Variants in FBXL7 observed in about 807,000 individuals in gnomAD.
The protein encoded by FBXL7 is F-box and leucine rich repeat protein 7.
In FBXL7, 12 loss-of-function variants were observed where a neutral mutation model predicts 38.3. The observed-to-expected ratio is 0.31, with a 90% CI of 0.20 to 0.51. The LOEUF is 0.51. FBXL7 is among the 20% of genes least tolerant of loss of function. FBXL7 has a pLI of 0.98. For missense variants in FBXL7, 567 were observed against 676.4 expected, an observed-to-expected ratio of 0.84 and a Z score of 1.79; for synonymous variants, 297 against 300.9, an observed-to-expected ratio of 0.99 and a Z score of 0.13.
At chr5:15,917,649 GGAA>G (rs1561187519) in intron 2 of FBXL7, among the ~76,000 whole-genome samples, 1,293 of 127,900 alleles carry the variant, frequency 0.01, 33 homozygotes, top group African/African-American at 0.044. Flanking sequence ...AGGGAGGGAA[GGAA>G]GGAAGGAAGG....
At chr5:15,760,257 C>A (rs1736404911) in intron 2 of FBXL7, among the ~76,000 whole-genome samples, 1 of 152,034 alleles carries the variant, frequency 6.6e-6, no homozygotes, top group Admixed American at 6.6e-5. Context: ...CATAGCTGAT[C>A]ATTCTGCAGT....
rs1742888362 is a variant in FBXL7, at chr5:15,682,750, A to G, written c.127+66678A>G. ...TTGGTTAAGGGGAAAGCTGCTTACA[A>G]CTACATGTGTGTGCAGGCTGCATCT... On this transcript the variant is annotated intron_variant, in intron 2 of 3. Coordinates refer to ENST00000504595, the MANE Select transcript of FBXL7 (RefSeq NM_012304.5). Among the ~76,000 whole-genome samples, 4 of 152,338 alleles carry G rather than the reference A, an allele frequency of 2.6e-5. No homozygotes were observed. In the South Asian group the frequency reaches 8.3e-4, roughly 32 times the overall value.
At chr5:15,646,601 T>C (rs2126563983) in intron 2 of FBXL7, among the ~76,000 whole-genome samples, 1 of 152,342 alleles carries the variant, frequency 6.6e-6, no homozygotes, top group South Asian at 2.1e-4. Context: ...TTTACAGCTG[T>C]TTTGGAGCTT....
chr5:15,613,789 G>A (rs1016099344), intron 1 of FBXL7, among the ~76,000 whole-genome samples: 3 of 151,982 alleles, frequency 2.0e-5, no homozygotes, highest in Non-Finnish European at 4.4e-5. Context: ...TAGTCCATTC[G>A]GGCTGTTATA....
intron 2 of FBXL7, among the ~76,000 whole-genome samples, chr5:15,663,325 G>A (rs1438294212): frequency 2.6e-5 from 4 of 152,134 alleles, no homozygotes; most frequent in Non-Finnish European, 4.4e-5. Flanking sequence ...GTATAGGAAT[G>A]CTAGTGATTT....
intron 2 of FBXL7, among the ~76,000 whole-genome samples, chr5:15,816,260 TA>T (rs1738011026): frequency 9.8e-6 from 1 of 102,178 alleles, no homozygotes; most frequent in African/African-American, 3.2e-5. Context: ...TGTATATATA[TA>T]TATGTGTGTA....
At chr5:15,563,286 G>T (rs1738468946) in intron 1 of FBXL7, among the ~76,000 whole-genome samples, 1 of 152,138 alleles carries the variant, frequency 6.6e-6, no homozygotes, top group Admixed American at 6.5e-5. Context: ...GAACTTTGTT[G>T]TAGAAACGAG....
intron 2 of FBXL7, among the ~76,000 whole-genome samples, chr5:15,623,997 C>T (rs931637986): frequency 6.6e-6 from 1 of 152,152 alleles, no homozygotes; most frequent in Non-Finnish European, 1.5e-5. Flanking sequence ...TTGTCATTGT[C>T]AGCGAAACTG....
At chr5:15,849,764 T>C (rs969794826) in intron 2 of FBXL7, among the ~76,000 whole-genome samples, 5 of 152,218 alleles carry the variant, frequency 3.3e-5, no homozygotes, top group Non-Finnish European at 7.3e-5. Flanking sequence ...TTTAACTTCT[T>C]GAAATGATTC....
intron 2 of FBXL7, among the ~76,000 whole-genome samples, chr5:15,791,003 C>G (rs1334789903): frequency 6.9e-6 from 1 of 145,414 alleles, no homozygotes; most frequent in East Asian, 2.1e-4. Flanking sequence ...GTAGGGTAGA[C>G]AGAGTATGGG....
intron 2 of FBXL7, among the ~76,000 whole-genome samples, chr5:15,725,626 A>T (rs34308971): frequency 0.64 from 97,475 of 151,882 alleles, 31,802 homozygotes; most frequent in East Asian, 0.73. Context: ...TAATGTTGGG[A>T]AGATTGTTTT....
intron 1 of FBXL7, among the ~76,000 whole-genome samples, chr5:15,537,608 G>C (rs1350661662): frequency 6.6e-6 from 1 of 152,230 alleles, no homozygotes; most frequent in Non-Finnish European, 1.5e-5. Flanking sequence ...CATTGAGAAG[G>C]CTCCAACAGG....
intron 1 of FBXL7, among the ~76,000 whole-genome samples, chr5:15,594,181 C>A (rs897490602): frequency 1.3e-5 from 2 of 152,108 alleles, no homozygotes; most frequent in Non-Finnish European, 2.9e-5. Context: ...CTACACCATG[C>A]AATGAAAGGG....
chr5:15,563,331 G>A (rs563432759), intron 1 of FBXL7, among the ~76,000 whole-genome samples: 7 of 152,188 alleles, frequency 4.6e-5, no homozygotes, highest in Admixed American at 4.6e-4. Context: ...ACTTCATCAC[G>A]TTAATTGCGC....
chr5:15,844,764 C>T (rs1738846054), intron 2 of FBXL7, among the ~76,000 whole-genome samples: 1 of 151,860 alleles, frequency 6.6e-6, no homozygotes, highest in Non-Finnish European at 1.5e-5. Context: ...AGGGAGGAAG[C>T]CAAGGCAGGT....
intron 2 of FBXL7, among the ~76,000 whole-genome samples, chr5:15,769,736 G>GAAAAA (rs56743583): frequency 6.7e-6 from 1 of 148,686 alleles, no homozygotes. Flanking sequence ...TTCTGGACAC[G>GAAAAA]AAAAAAAAAA....
chr5:15,844,546 G>A (rs148924379), intron 2 of FBXL7, among the ~76,000 whole-genome samples: 1 of 152,374 alleles, frequency 6.6e-6, no homozygotes, highest in Non-Finnish European at 1.5e-5. Flanking sequence ...GATCGGTAGA[G>A]CATAGCTGAG....
At position 15,937,238 on chromosome 5, in the gene FBXL7, T is replaced by C; in HGVS notation, c.*52T>C. The C allele has an allele frequency of 1.4e-6, 2 of 1,478,056 alleles. No homozygotes were observed. Among genetic ancestry groups the C allele is most frequent in the Non-Finnish European group, 1.8e-6 (2 of 1,116,788 alleles). The allele number at this position is 1,478,056 out of a possible 1,614,324, so 91.6% of individuals were successfully genotyped here. The stretch of plus-strand genomic sequence containing the variant: ...TTCACACAAACCTGAACAAAGCAAA[T>C]TTTTTTAAAAGCAGCGTATGTAAGC... On this transcript the variant is annotated 3_prime_UTR_variant, in exon 4 of 4. Transcript: ENST00000504595.
chr5:15,636,060 C>T (rs1741180535), intron 2 of FBXL7, among the ~76,000 whole-genome samples: 1 of 151,516 alleles, frequency 6.6e-6, no homozygotes, highest in South Asian at 2.1e-4. Flanking sequence ...CATTACTGCA[C>T]CATCCACACG....
Sources: gnomAD v4.1 joint callset for allele counts (sites outside exome capture counted in the v4.1 genomes callset) on GRCh38, gnomAD v4.1.1 for gene constraint, MANE v1.5 for transcripts, NCBI Gene and HGNC (gene_info 2026-07-23, HGNC 2026-07-21) for gene names.